SEMA6D: variants seen among roughly 807,000 people sequenced by gnomAD.
SEMA6D encodes semaphorin-6D.
Under a neutral mutation model 106.6 loss-of-function variants are expected in SEMA6D, and 35 were observed. The observed-to-expected ratio is 0.33, with a 90% confidence interval of 0.25 to 0.44. The LOEUF is 0.44. Ranked by LOEUF, SEMA6D falls within the 20% of genes least tolerant of loss-of-function variation. The pLI is 1.00. For synonymous variants in SEMA6D, 499 were observed against 487.7 expected (o/e 1.02, Z -0.31); for missense variants, 1,185 against 1,345.9 (o/e 0.88, Z 1.87).
chr15:47,722,099 A>G lies in SEMA6D; in HGVS notation c.-55+4407A>G, dbSNP rs145841536. On this transcript the variant is annotated intron_variant, in intron 1 of 18. Transcript: ENST00000536845. The stretch of plus-strand genomic sequence containing the variant: ...GCCCCTCATCCAGTTCTGGGGTCAC[A>G]GCTACTGAAAGTCCTTGCCACCTTG... Among the ~76,000 whole-genome samples the G allele has an allele frequency of 2.0e-3, 302 of 152,294 alleles. 4 individuals are homozygous for G. The highest frequency in any genetic ancestry group is 6.8e-3 in the African/African-American group (284 of 41,568).
chr15:47,434,303 G>C (rs1037310529), intron 2 of SEMA6D, among the ~76,000 whole-genome samples: 3 of 152,134 alleles, frequency 2.0e-5, no homozygotes, highest in Non-Finnish European at 2.9e-5. Context: ...TTTGGAAAGA[G>C]GGGTTTAATC....
chr15:47,733,851 G>GGAAA (rs1415513325), intron 1 of SEMA6D, among the ~76,000 whole-genome samples: 2 of 152,084 alleles, frequency 1.3e-5, no homozygotes, highest in African/African-American at 4.8e-5. Context: ...TATTCATATA[G>GGAAA]GAAAGGCTTA....
chr15:47,262,389 A>G (rs1480029971), intron 1 of SEMA6D, among the ~76,000 whole-genome samples: 1 of 152,116 alleles, frequency 6.6e-6, no homozygotes, highest in Admixed American at 6.6e-5. Flanking sequence ...TCACGGTTCC[A>G]TATGGCTGGG....
At chr15:47,565,354 A>G (rs576773471) in intron 3 of SEMA6D, among the ~76,000 whole-genome samples, 1 of 152,226 alleles carries the variant, frequency 6.6e-6, no homozygotes, top group East Asian at 1.9e-4. Context: ...GTGAGTGGAG[A>G]TCATCCCTGC....
intron 1 of SEMA6D, among the ~76,000 whole-genome samples, chr15:47,226,669 G>A (rs1304243225): frequency 6.6e-6 from 1 of 152,092 alleles, no homozygotes; most frequent in Non-Finnish European, 1.5e-5. Context: ...TGATAAGATA[G>A]CAGGAGAGGA....
At chr15:47,744,791 A>G (rs1216443135) in intron 1 of SEMA6D, among the ~76,000 whole-genome samples, 1 of 152,234 alleles carries the variant, frequency 6.6e-6, no homozygotes, top group Non-Finnish European at 1.5e-5. Flanking sequence ...AGGCAACGGC[A>G]ATGCTACAAC....
chr15:47,656,930 CAGAA>C (rs1367552952), intron 4 of SEMA6D, among the ~76,000 whole-genome samples: 2 of 152,110 alleles, frequency 1.3e-5, no homozygotes, highest in African/African-American at 2.4e-5. Context: ...ACAAAAGTGA[CAGAA>C]AGAGAACAGC....
chr15:47,755,301 C>T (rs1049308893), intron 1 of SEMA6D, among the ~76,000 whole-genome samples: 2 of 152,036 alleles, frequency 1.3e-5, no homozygotes, highest in Admixed American at 1.3e-4. Context: ...TGGTGAAATT[C>T]TCCATGTTGT....
chr15:47,650,403 G>A (rs1212390420), intron 4 of SEMA6D, among the ~76,000 whole-genome samples: 1 of 152,140 alleles, frequency 6.6e-6, no homozygotes, highest in Non-Finnish European at 1.5e-5. Context: ...AATGACTTTT[G>A]CTGAATTCAT....
chr15:47,494,248 C>T (rs554910009), intron 3 of SEMA6D, among the ~76,000 whole-genome samples: 2 of 152,060 alleles, frequency 1.3e-5, no homozygotes, highest in Admixed American at 6.6e-5. Flanking sequence ...TAAACAGCAA[C>T]GGTGCAGTTT....
chr15:47,291,767 A>G (rs779350502), intron 1 of SEMA6D, among the ~76,000 whole-genome samples: 16 of 152,148 alleles, frequency 1.1e-4, no homozygotes, highest in Non-Finnish European at 1.3e-4. Context: ...TATCATCATA[A>G]TGTTTTGATA....
At chr15:47,351,823 TTTCA>T (rs548322010) in intron 1 of SEMA6D, among the ~76,000 whole-genome samples, 85 of 152,346 alleles carry the variant, frequency 5.6e-4, no homozygotes, top group Non-Finnish European at 9.1e-4. Flanking sequence ...ATTTAGAACC[TTTCA>T]TATATTCTTT....
At chr15:47,196,512 A>C (rs1894371489) in intron 1 of SEMA6D, among the ~76,000 whole-genome samples, 2 of 152,146 alleles carry the variant, frequency 1.3e-5, no homozygotes, top group African/African-American at 4.8e-5. Context: ...AGCAGTTTTA[A>C]CGTTTTTTCA....
intron 2 of SEMA6D, among the ~76,000 whole-genome samples, chr15:47,458,468 A>G (rs977137499): frequency 1.3e-5 from 2 of 152,036 alleles, no homozygotes; most frequent in East Asian, 3.9e-4. Flanking sequence ...ACCATAAAAG[A>G]AGTCTTATTA....
intron 3 of SEMA6D, among the ~76,000 whole-genome samples, chr15:47,556,664 T>C (rs2045924927): frequency 6.6e-6 from 1 of 152,142 alleles, no homozygotes; most frequent in Non-Finnish European, 1.5e-5. Context: ...CAGAACTAAA[T>C]GAGAAAAATT....
chr15:47,401,383 A>G (rs2040394505), intron 1 of SEMA6D, among the ~76,000 whole-genome samples: 1 of 152,186 alleles, frequency 6.6e-6, no homozygotes, highest in East Asian at 1.9e-4. Context: ...TGTTGGCAGT[A>G]CTACTAATAC....
intron 1 of SEMA6D, among the ~76,000 whole-genome samples, chr15:47,757,393 G>C (rs1472610681): frequency 6.6e-6 from 1 of 152,178 alleles, no homozygotes; most frequent in Non-Finnish European, 1.5e-5. Context: ...GCAGGATCTA[G>C]TTCTTAAGGC....
At chr15:47,272,761 G>C (rs2034614920) in intron 1 of SEMA6D, 1 of 152,400 alleles carries the variant, frequency 6.6e-6, no homozygotes. Context: ...ATCCCCAATA[G>C]AGGAAGACCA....
At chr15:47,294,259 C>G (rs1376643250) in intron 1 of SEMA6D, among the ~76,000 whole-genome samples, 1 of 150,674 alleles carries the variant, frequency 6.6e-6, no homozygotes, top group East Asian at 2.0e-4. Context: ...TTCTTGGAGT[C>G]TTTCTCTGTC....
Sources: gnomAD v4.1 joint callset for allele counts (sites outside exome capture counted in the v4.1 genomes callset) on GRCh38, gnomAD v4.1.1 for gene constraint, MANE v1.5 for transcripts, NCBI Gene and HGNC (gene_info 2026-07-23, HGNC 2026-07-21) for gene names.